The following RBPJ variants were observed in gnomAD, a reference collection of about 807,000 sequenced individuals.
RBPJ encodes recombination signal binding protein for immunoglobulin kappa J region.
RBPJ carries 9 observed loss-of-function variants against 67.8 expected under a neutral mutation model. That is an observed-to-expected ratio of 0.13 (90% CI 0.08 to 0.23). The LOEUF is 0.23. Among genes scored for constraint, RBPJ ranks in the 10% least tolerant of loss-of-function variants. The pLI, the probability that RBPJ is intolerant of heterozygous loss-of-function variation, is 1.00. For synonymous variants in RBPJ, 198 were observed against 203.3 expected (o/e 0.97, Z 0.22); for missense variants, 305 against 595.6 (o/e 0.51, Z 5.08).
intron 1 of RBPJ, among the ~76,000 whole-genome samples, chr4:26,297,444 TGAG>T (rs1721917846): frequency 6.6e-6 from 1 of 151,822 alleles, no homozygotes. Flanking sequence ...AGAAACATCT[TGAG>T]GAGAAATCCA....
Position 26,415,610 on chromosome 4 carries a change from A to G in RBPJ, c.291A>G (p.Gln97=), listed in dbSNP as rs778372594. The change falls in exon 4 of 11, where the codon CAA becomes CAG. Residue 97 remains glutamine (Q), a synonymous_variant. Transcript: ENST00000355476. The part of the protein sequence containing the change: ...CAFIGIGNSD[Q]EMQQLNLEGK... ...TTATTGGGATAGGAAATAGTGACCA[A>G]GAAATGCAGCAGCTAAACTTGGAAG... 1 of 1,610,392 alleles carries G rather than the reference A, an allele frequency of 6.2e-7. No individual in the cohort carries two copies.
intron 1 of RBPJ, among the ~76,000 whole-genome samples, chr4:26,275,337 T>A (rs935097788): frequency 1.3e-5 from 2 of 152,194 alleles, no homozygotes; most frequent in African/African-American, 4.8e-5. Flanking sequence ...GCAGGGTGAC[T>A]CTAGGCAAGG....
chr4:26,351,568 A>G (rs1726809506), intron 1 of RBPJ, among the ~76,000 whole-genome samples: 1 of 152,030 alleles, frequency 6.6e-6, no homozygotes, highest in African/African-American at 2.4e-5. Context: ...TTTTGTAGAG[A>G]GAGGGTCTCA....
At chr4:26,259,919 C>A (rs890719655) in intron 1 of RBPJ, among the ~76,000 whole-genome samples, 1 of 152,204 alleles carries the variant, frequency 6.6e-6, no homozygotes, top group African/African-American at 2.4e-5. Context: ...TTTCATGAAG[C>A]ATCTGTGATT....
rs540472708 is a variant in RBPJ, at chr4:26,349,043, T to C, written c.20+27995T>C. ...TTTTAAAGATGTTTTTAAAAGTTAA[T>C]GGCAGGAACTCATTTTATCATCACA... On this transcript the variant is annotated intron_variant, in intron 1 of 10. Coordinates refer to ENST00000355476, the MANE Select transcript of RBPJ (RefSeq NM_015874.6). 4.6e-5 allele frequency among the ~76,000 whole-genome samples: 7 copies of C among 151,980 alleles called. No homozygotes were observed. The East Asian group carries it at 1.4e-3, about 30-fold the overall frequency.
chr4:26,316,335 A>C (rs948652588), upstream of RBPJ, among the ~76,000 whole-genome samples: 3 of 147,288 alleles, frequency 2.0e-5, no homozygotes, highest in African/African-American at 7.4e-5. Context: ...ATATATATAC[A>C]TTCATATATA....
chr4:26,187,430 G>A (rs1717310844), intron 1 of RBPJ, among the ~76,000 whole-genome samples: 1 of 151,566 alleles, frequency 6.6e-6, no homozygotes, highest in Non-Finnish European at 1.5e-5. Context: ...TTTTTCCTCT[G>A]ACTACTAGGC....
the RBPJ span, among the ~76,000 whole-genome samples, chr4:26,108,626 G>A: frequency 6.6e-6 from 1 of 152,352 alleles, no homozygotes; most frequent in Admixed American, 6.5e-5. Flanking sequence ...GGGTTTATGG[G>A]AGTATTAAAT....
At chr4:26,394,474 A>G (rs1731899658) in intron 2 of RBPJ, among the ~76,000 whole-genome samples, 1 of 152,066 alleles carries the variant, frequency 6.6e-6, no homozygotes, top group Admixed American at 6.5e-5. Context: ...TCAGTTCAAA[A>G]AAAAAAAAAA....
intron 1 of RBPJ, among the ~76,000 whole-genome samples, chr4:26,212,627 A>G (rs1240138932): frequency 6.6e-6 from 1 of 151,770 alleles, no homozygotes; most frequent in South Asian, 2.1e-4. Flanking sequence ...GGAGCTGGCT[A>G]TAAAGAAATT....
At chr4:26,257,564 G>A (rs1276796258) in intron 1 of RBPJ, among the ~76,000 whole-genome samples, 1 of 152,212 alleles carries the variant, frequency 6.6e-6, no homozygotes, top group Non-Finnish European at 1.5e-5. Flanking sequence ...GGGAGGTGGA[G>A]CTTGCAGTGA....
intron 1 of RBPJ, among the ~76,000 whole-genome samples, chr4:26,233,501 C>G (rs970038723): frequency 6.6e-6 from 1 of 152,210 alleles, no homozygotes; most frequent in African/African-American, 2.4e-5. Context: ...TGCCTTGTCT[C>G]CACTTCGTAT....
At chr4:26,415,128 T>G (rs1734434482) in intron 3 of RBPJ, among the ~76,000 whole-genome samples, 1 of 152,186 alleles carries the variant, frequency 6.6e-6, no homozygotes, top group African/African-American at 2.4e-5. Flanking sequence ...TTTGTGGTGG[T>G]TTATCGTGTT....
intron 1 of RBPJ, among the ~76,000 whole-genome samples, chr4:26,262,467 T>C (rs547802278): frequency 5.3e-5 from 8 of 152,198 alleles, no homozygotes; most frequent in African/African-American, 1.4e-4. Flanking sequence ...AAATTCAAAA[T>C]AGAGGTGTGA....
At chr4:26,221,073 CCTT>C (rs1390625217) in intron 1 of RBPJ, among the ~76,000 whole-genome samples, 1 of 152,080 alleles carries the variant, frequency 6.6e-6, no homozygotes, top group East Asian at 1.9e-4. Flanking sequence ...ACAATCTTCC[CCTT>C]CTTCTTAAAT....
chr4:26,116,938 C>T, the RBPJ span, among the ~76,000 whole-genome samples: 2 of 152,158 alleles, frequency 1.3e-5, no homozygotes, highest in African/African-American at 2.4e-5. Flanking sequence ...GCACGGGAAC[C>T]TTTGTGTAAG....
intron 1 of RBPJ, among the ~76,000 whole-genome samples, chr4:26,254,885 A>G (rs1282743268): frequency 3.0e-5 from 2 of 66,896 alleles, no homozygotes; most frequent in Admixed American, 2.1e-4. Flanking sequence ...TTTTTTGCAG[A>G]GACAAGGTTT....
rs188203718 is a variant in RBPJ at position 26,258,909 on chromosome 4, T to G, written c.-167+95295T>G. ...ACCTCTGCCTCCTGGGTTCAAGCGATTCTCCTGTCTCAGCCTCCTGAGTAG... is the reference window on the plus strand; with the variant it reads ...ACCTCTGCCTCCTGGGTTCAAGCGAGTCTCCTGTCTCAGCCTCCTGAGTAG... On this transcript the variant is annotated intron_variant, in intron 1 of 4. Transcript: ENST00000512351. Among the ~76,000 whole-genome samples the G allele has an allele frequency of 8.7e-3, 1,317 of 152,196 alleles. 26 individuals are homozygous for G. The highest frequency in any genetic ancestry group is 0.079 in the South Asian group (382 of 4,814).
intron 1 of RBPJ, among the ~76,000 whole-genome samples, chr4:26,266,085 CT>C (rs1560235878): frequency 6.6e-6 from 1 of 152,072 alleles, no homozygotes. Flanking sequence ...TCCAATTTCC[CT>C]TAAATTCCAT....
Sources: allele counts gnomAD v4.1 joint callset (sites outside exome capture counted in the v4.1 genomes callset), GRCh38; gene constraint gnomAD v4.1.1; transcripts MANE v1.5; gene names NCBI Gene and HGNC (gene_info 2026-07-23, HGNC 2026-07-21).